Variants in RARS2 observed in about 807,000 individuals in gnomAD.
RARS2 encodes arginyl-tRNA synthetase 2, mitochondrial.
In RARS2, 67 loss-of-function variants were observed where a neutral mutation model predicts 88.5. The observed-to-expected ratio is 0.76, with a 90% CI of 0.62 to 0.93. The LOEUF (loss-of-function observed/expected upper bound fraction) is 0.93. Ranked by LOEUF, RARS2 falls within the 40% of genes least tolerant of loss-of-function variation. The pLI, the probability that RARS2 is intolerant of heterozygous loss-of-function variation, is 0.00. For missense variants in RARS2, 664 were observed against 684.2 expected (o/e 0.97, Z 0.33); for synonymous variants, 239 against 230.3 (o/e 1.04, Z -0.34).
chr6:87,539,005 G>A (rs2128098530), intron 8 of RARS2, among the ~76,000 whole-genome samples: 1 of 151,566 alleles, frequency 6.6e-6, no homozygotes, highest in African/African-American at 2.4e-5. Context: ...CTATATTCCA[G>A]GCTGGGCAAC....
At chr6:87,515,557 A>G (rs1447154217) in intron 18 of RARS2, among the ~76,000 whole-genome samples, 1 of 151,978 alleles carries the variant, frequency 6.6e-6, no homozygotes, top group Non-Finnish European at 1.5e-5. Flanking sequence ...TGTTAATTTT[A>G]CAAATATAAA....
At chr6:87,521,131 AAT>A (rs1456081210) in intron 12 of RARS2, among the ~76,000 whole-genome samples, 1 of 152,210 alleles carries the variant, frequency 6.6e-6, no homozygotes, top group Non-Finnish European at 1.5e-5. Context: ...GTGAGTATTA[AAT>A]TACTTCAAAA....
intron 1 of RARS2, among the ~76,000 whole-genome samples, chr6:87,583,709 T>C (rs967654807): frequency 6.6e-6 from 1 of 152,122 alleles, no homozygotes; most frequent in Non-Finnish European, 1.5e-5. Flanking sequence ...GTACTGGCCA[T>C]TTTACAAATT....
intron 11 of RARS2, among the ~76,000 whole-genome samples, chr6:87,524,075 T>C (rs761857273): frequency 1.3e-5 from 2 of 152,196 alleles, no homozygotes; most frequent in African/African-American, 2.4e-5. Context: ...CAAAAGTGAT[T>C]TGTGACCTAA....
At chr6:87,545,847 T>C in intron 6 of RARS2, 148 bp from the exon 7 acceptor site, 2 of 907,618 alleles carry the variant, frequency 2.2e-6, no homozygotes, top group Non-Finnish European at 3.2e-6. Context: ...CATTCATCAT[T>C]GTGTTTTCAT....
At chr6:87,536,930 T>C (rs768987768) in intron 8 of RARS2, among the ~76,000 whole-genome samples, 9 of 152,100 alleles carry the variant, frequency 5.9e-5, no homozygotes, top group Non-Finnish European at 1.3e-4. Context: ...CTAGATGTCA[T>C]GGGAAAAGAA....
At chr6:87,533,986 C>T (rs1213046247) in intron 8 of RARS2, among the ~76,000 whole-genome samples, 15 of 152,088 alleles carry the variant, frequency 9.9e-5, no homozygotes, top group Non-Finnish European at 1.3e-4. Flanking sequence ...ACCACAGACC[C>T]TTTTTTCATA....
At position 87,541,939 on chromosome 6, in the gene RARS2, A is replaced by T; in HGVS notation, c.591T>A (p.Asn197Lys). The part of the protein sequence containing the change: ...LFGYEEKLQS[N>K]PLQHLFEVYV... Reference sequence around the variant, plus strand: ...TTACTTCAAAGAGATGCTGTAGAGGATTGGACTGCAGTTTTTCCTCATAGC... The same window carrying T: ...TTACTTCAAAGAGATGCTGTAGAGGTTTGGACTGCAGTTTTTCCTCATAGC... Residue 197 changes from asparagine (N) to lysine (K), a missense_variant, in exon 8 of 20, where the codon AAT (asparagine) becomes AAA (lysine). Transcript: ENST00000369536. 2 of 1,613,496 alleles carry T rather than the reference A, an allele frequency of 1.2e-6. No individual in the cohort carries two copies. The highest frequency in any genetic ancestry group is 4.5e-5 in the East Asian group (2 of 44,850).
At chr6:87,532,836 A>G (rs1006308640) in intron 8 of RARS2, among the ~76,000 whole-genome samples, 17 of 152,306 alleles carry the variant, frequency 1.1e-4, no homozygotes, top group African/African-American at 3.8e-4. Context: ...CAACACATAC[A>G]ATGTCAGTTA....
intron 5 of RARS2, among the ~76,000 whole-genome samples, chr6:87,549,491 C>A (rs1364053219): frequency 6.6e-6 from 1 of 151,504 alleles, no homozygotes; most frequent in Non-Finnish European, 1.5e-5. Context: ...CTCAAAGTTA[C>A]AGTGAACTAC....
At chr6:87,540,869 A>T (rs958208387) in intron 8 of RARS2, among the ~76,000 whole-genome samples, 2 of 152,132 alleles carry the variant, frequency 1.3e-5, no homozygotes, top group Admixed American at 6.5e-5. Context: ...AGCCAGGAAA[A>T]GGAGGTGAAA....
At chr6:87,586,862 C>T (rs1289116483) in intron 1 of RARS2, among the ~76,000 whole-genome samples, 3 of 151,302 alleles carry the variant, frequency 2.0e-5, no homozygotes, top group South Asian at 2.1e-4. Flanking sequence ...CATCCCTAAA[C>T]TGAAAATCTG....
intron 10 of RARS2, among the ~76,000 whole-genome samples, chr6:87,525,175 A>G (rs559557925): frequency 6.6e-6 from 1 of 152,316 alleles, no homozygotes; most frequent in South Asian, 2.1e-4. Context: ...CCTTACAAAT[A>G]TGACAGGAGA....
chr6:87,519,198 GTGTGTGTGTGTA>G, intron 14 of RARS2: 1 of 273,174 alleles, frequency 3.7e-6, no homozygotes, highest in Non-Finnish European at 6.9e-6. Flanking sequence ...GTGTGTGTGT[GTGTGTGTGTGTA>G]TATATATATA....
At chr6:87,543,891 A>G (rs1324760698) in intron 7 of RARS2, among the ~76,000 whole-genome samples, 1 of 152,236 alleles carries the variant, frequency 6.6e-6, no homozygotes, top group East Asian at 1.9e-4. Context: ...AAAGATGCTC[A>G]GTGTTCCAAA....
chr6:87,577,621 G>T (rs1771968593), intron 1 of RARS2, among the ~76,000 whole-genome samples: 1 of 152,162 alleles, frequency 6.6e-6, no homozygotes, highest in South Asian at 2.1e-4. Flanking sequence ...GAAAAAGATT[G>T]GTGGTAAGCA....
chr6:87,571,743 G>A (rs1769814393), intron 1 of RARS2, among the ~76,000 whole-genome samples: 1 of 152,206 alleles, frequency 6.6e-6, no homozygotes, highest in African/African-American at 2.4e-5. Context: ...CTCTCCTGTT[G>A]TCAACAGAAG....
chr6:87,519,503 T>C lies in RARS2; in HGVS notation c.1237+80A>G, dbSNP rs1043211554. The stretch of plus-strand genomic sequence containing the variant: ...CACTTCAATGGAGGGACAGACATAA[T>C]AAATCACACTGCCCAAAGTCCAGAA... On this transcript the variant is annotated intron_variant, in intron 14 of 19. Transcript: ENST00000369536. The C allele has an allele frequency of 2.2e-5, 33 of 1,469,840 alleles. No individual in the cohort carries two copies. The East Asian group carries it at 7.3e-4, about 33-fold the overall frequency. 91.0% of individuals were successfully genotyped at this position (1,469,840 alleles called of 1,614,324 possible). A position where few individuals can be genotyped will look rare whatever the true frequency, so the allele number is the denominator to read the frequency against.
chr6:87,586,404 C>G (rs1775170386), intron 1 of RARS2, among the ~76,000 whole-genome samples: 1 of 152,186 alleles, frequency 6.6e-6, no homozygotes, highest in South Asian at 2.1e-4. Context: ...ACTCTATTTA[C>G]TTGGCACACT....
Sources: gnomAD v4.1 joint callset for allele counts (sites outside exome capture counted in the v4.1 genomes callset) on GRCh38, gnomAD v4.1.1 for gene constraint, MANE v1.5 for transcripts, NCBI Gene and HGNC (gene_info 2026-07-23, HGNC 2026-07-21) for gene names.